MVB12B: variants seen among roughly 807,000 people sequenced by gnomAD.
MVB12B encodes the protein multivesicular body subunit 12B.
A neutral mutation model predicts 41.6 loss-of-function variants in MVB12B; 16 were observed. The observed-to-expected ratio is 0.38, with a 90% CI of 0.26 to 0.58. MVB12B has a LOEUF of 0.58. MVB12B is among the 20% of genes least tolerant of loss of function. MVB12B has a pLI of 0.62. For synonymous variants in MVB12B, 133 were observed against 139.7 expected (o/e 0.95, Z 0.34); for missense variants, 274 against 380.2 (o/e 0.72, Z 2.32).
chr9:126,416,214 T>C lies in MVB12B; in HGVS notation c.663-5640T>C, dbSNP rs553496565. 1.1e-3 allele frequency among the ~76,000 whole-genome samples: 160 copies of C among 151,814 alleles called. 1 individual carries two copies. The highest frequency in any genetic ancestry group is 4.7e-3 in the Admixed American group (71 of 15,266). ...GCCGGGGTGGCAAGAATGGGGAGAG[T>C]GGGAGTAGGATTGAAGCTCGCGTAC... On this transcript the variant is annotated intron_variant, in intron 6 of 9. Coordinates refer to ENST00000361171, the MANE Select transcript of MVB12B (RefSeq NM_033446.3).
chr9:126,363,569 A>G (rs763266100), intron 2 of MVB12B, among the ~76,000 whole-genome samples: 52 of 152,350 alleles, frequency 3.4e-4, no homozygotes, highest in Admixed American at 2.8e-3. Flanking sequence ...TTTCCAAAAG[A>G]TGAGGTTACT....
At chr9:126,411,591 CTT>C (rs1366213925) in intron 6 of MVB12B, among the ~76,000 whole-genome samples, 1 of 152,102 alleles carries the variant, frequency 6.6e-6, no homozygotes, top group Non-Finnish European at 1.5e-5. Flanking sequence ...AAATAGGTCT[CTT>C]TTAAGTTTTA....
At chr9:126,425,430 G>A (rs2119100280) in intron 7 of MVB12B, among the ~76,000 whole-genome samples, 1 of 152,164 alleles carries the variant, frequency 6.6e-6, no homozygotes, top group East Asian at 1.9e-4. Flanking sequence ...AGCACGTGTT[G>A]CTTTTGTAGT....
chr9:126,346,529 A>C (rs1211031765), intron 2 of MVB12B, among the ~76,000 whole-genome samples: 2 of 152,020 alleles, frequency 1.3e-5, no homozygotes, highest in African/African-American at 4.8e-5. Flanking sequence ...GAACACCTTG[A>C]GTTTGAGCTG....
chr9:126,491,984 C>A (rs1172132639), intron 9 of MVB12B, among the ~76,000 whole-genome samples: 2 of 151,962 alleles, frequency 1.3e-5, no homozygotes, highest in African/African-American at 4.8e-5. Context: ...AAGCAGCTCC[C>A]CTGCCGATCA....
intron 6 of MVB12B, among the ~76,000 whole-genome samples, chr9:126,405,740 G>T (rs1831401419): frequency 6.6e-6 from 1 of 151,490 alleles, no homozygotes; most frequent in Non-Finnish European, 1.5e-5. Context: ...GTTTATTTGG[G>T]TTCAGTTTTT....
intron 3 of MVB12B, among the ~76,000 whole-genome samples, chr9:126,385,797 G>A (rs1022734049): frequency 2.0e-5 from 3 of 152,180 alleles, no homozygotes; most frequent in Non-Finnish European, 2.9e-5. Flanking sequence ...ACATATTTAA[G>A]TTGTAGGGTA....
Position 126,386,737 on chromosome 9 carries a change from C to T in MVB12B, c.409+79C>T. 2.8e-6 allele frequency: 3 copies of T among 1,057,990 alleles called. No individual in the cohort carries two copies. The highest frequency in any genetic ancestry group is 3.9e-5 in the Admixed American group (2 of 51,920). 65.5% of individuals were successfully genotyped at this position (1,057,990 alleles called of 1,614,324 possible). ...ATATTTGTAGGTGTTTTTCTATGTG[C>T]ATTTTTCTTCAGAAACACTTTTGGA... On this transcript the variant is annotated intron_variant, in intron 4 of 9. Coordinates refer to ENST00000361171, the MANE Select transcript of MVB12B (RefSeq NM_033446.3). This position sits in a 1 kb window ranked among gnomAD's most constrained non-coding sequence, Gnocchi z 4.3.
chr9:126,354,647 A>G (rs1829834148), intron 2 of MVB12B, among the ~76,000 whole-genome samples: 2 of 152,260 alleles, frequency 1.3e-5, no homozygotes, highest in Admixed American at 1.3e-4. Context: ...CAGCATGTAA[A>G]TGACCACATG....
chr9:126,376,486 G>A lies in MVB12B; in HGVS notation c.205-4578G>A, dbSNP rs1287787701. 2 of 1,287,380 alleles carry A rather than the reference G, an allele frequency of 1.6e-6. No individual in the cohort carries two copies. Among genetic ancestry groups the A allele is most frequent in the Admixed American group, 2.3e-5 (1 of 43,572 alleles). The allele number at this position is 1,287,380 out of a possible 1,614,324, so 79.7% of individuals were successfully genotyped here. On this transcript the variant is annotated intron_variant, in intron 2 of 9. Coordinates refer to ENST00000361171, the MANE Select transcript of MVB12B (RefSeq NM_033446.3). This position sits in a 1 kb window ranked among gnomAD's most constrained non-coding sequence, Gnocchi z 4.1. ...CATGGGCTGGAGCCCTGTGGGTGGG[G>A]GGCCTGCTGGCTGGTGTGCTACACA... is the stretch of plus-strand genomic sequence containing the variant.
intron 2 of MVB12B, among the ~76,000 whole-genome samples, chr9:126,378,278 C>T (rs541728931): frequency 3.3e-5 from 5 of 152,304 alleles, no homozygotes; most frequent in African/African-American, 9.6e-5. Context: ...TGACTTCAGC[C>T]GCATAGATAG....
At chr9:126,352,454 G>T (rs1387520006) in intron 2 of MVB12B, among the ~76,000 whole-genome samples, 2 of 152,162 alleles carry the variant, frequency 1.3e-5, no homozygotes, top group Non-Finnish European at 2.9e-5. Flanking sequence ...TTGCTAGGCT[G>T]CCCCCTGACT....
Position 126,386,484 on chromosome 9 carries a change from C to A in MVB12B, c.313-78C>A. On this transcript the variant is annotated intron_variant, in intron 3 of 9. Coordinates refer to ENST00000361171, the MANE Select transcript of MVB12B (RefSeq NM_033446.3). The surrounding 1 kb of genome is among the most constrained non-coding windows in gnomAD (Gnocchi z 4.3). ...TGCACGAGTCATTGTGTTAAATATG[C>A]ATCTGGAAGCCAAAATGGCAAACCC... 1 of 942,862 alleles carries A rather than the reference C, an allele frequency of 1.1e-6. No homozygotes were observed. Among genetic ancestry groups the A allele is most frequent in the Non-Finnish European group, 1.7e-6 (1 of 584,520 alleles). 58.4% of individuals were successfully genotyped at this position (942,862 alleles called of 1,614,324 possible).
chr9:126,489,969 ACCCGGTGGGGCTGTTGT>A (rs1427974839), intron 9 of MVB12B, among the ~76,000 whole-genome samples: 4 of 151,924 alleles, frequency 2.6e-5, no homozygotes, highest in Non-Finnish European at 4.4e-5. Context: ...GCAGTGGGTG[ACCCGGTGGGGCTGTTGT>A]CCCAGTGAAG....
chr9:126,351,483 CTTTTTTT>C (rs34141510), intron 2 of MVB12B, among the ~76,000 whole-genome samples: 3 of 86,298 alleles, frequency 3.5e-5, no homozygotes, highest in Non-Finnish European at 6.3e-5. Flanking sequence ...GTCTTTCACT[CTTTTTTT>C]TTTTTTTTTT....
At chr9:126,502,999 C>T (rs1189896987) in intron 9 of MVB12B, among the ~76,000 whole-genome samples, 178 bp from the exon 10 acceptor site, 3 of 152,238 alleles carry the variant, frequency 2.0e-5, no homozygotes, top group Non-Finnish European at 2.9e-5. Flanking sequence ...GCCACATGCA[C>T]AGTTCAGGGG....
chr9:126,357,319 G>A (rs1465624066), intron 2 of MVB12B, among the ~76,000 whole-genome samples: 1 of 152,210 alleles, frequency 6.6e-6, no homozygotes, highest in Non-Finnish European at 1.5e-5. Context: ...ACATGCATAT[G>A]CAAGTCTGTG....
intron 1 of MVB12B, among the ~76,000 whole-genome samples, chr9:126,337,201 G>A (rs748214474): frequency 3.3e-5 from 5 of 152,114 alleles, no homozygotes; most frequent in African/African-American, 4.8e-5. Flanking sequence ...GCAACTTCCA[G>A]TTGGTAATGG....
intron 7 of MVB12B, among the ~76,000 whole-genome samples, chr9:126,476,959 T>G (rs1833435502): frequency 6.6e-6 from 1 of 152,126 alleles, no homozygotes; most frequent in Non-Finnish European, 1.5e-5. Flanking sequence ...TATATATATT[T>G]GTGTGTTAGG....
Sources: allele counts gnomAD v4.1 joint callset (sites outside exome capture counted in the v4.1 genomes callset), GRCh38; gene constraint gnomAD v4.1.1; non-coding constraint Gnocchi (gnomAD v3.1); transcripts MANE v1.5; gene names NCBI Gene and HGNC (gene_info 2026-07-23, HGNC 2026-07-21).